PDE4D: variants seen among roughly 807,000 people sequenced by gnomAD.
PDE4D encodes phosphodiesterase 4D.
PDE4D carries 24 observed loss-of-function variants against 87.4 expected under a neutral mutation model. The observed-to-expected ratio is 0.27, with a 90% CI of 0.20 to 0.39. The LOEUF (loss-of-function observed/expected upper bound fraction) is 0.39, where lower values mean the gene tolerates loss of function less well. Ranked by LOEUF, PDE4D falls within the 10% of genes least tolerant of loss-of-function variation. The pLI is 1.00. For missense variants in PDE4D, 714 were observed against 1,041.0 expected (o/e 0.69, Z 4.32); for synonymous variants, 384 against 383.2 (o/e 1.00, Z -0.02).
intron 1 of PDE4D, among the ~76,000 whole-genome samples, chr5:59,573,536 C>T (rs1023380742): frequency 6.6e-6 from 1 of 152,126 alleles, no homozygotes; most frequent in African/African-American, 2.4e-5. Context: ...TTTCCTCATC[C>T]TGTCCTCTCT....
intron 1 of PDE4D, among the ~76,000 whole-genome samples, chr5:60,313,972 A>C (rs1755287195): frequency 6.6e-6 from 1 of 152,190 alleles, no homozygotes; most frequent in African/African-American, 2.4e-5. Flanking sequence ...ACAAACCCAC[A>C]GCCAACATCA....
chr5:60,067,185 T>C (rs1466199947), intron 2 of PDE4D, among the ~76,000 whole-genome samples: 1 of 152,116 alleles, frequency 6.6e-6, no homozygotes, highest in Non-Finnish European at 1.5e-5. Context: ...AGCAGTTCTA[T>C]ATCTTTCATT....
At chr5:59,426,612 C>T (rs1035240305) in intron 1 of PDE4D, among the ~76,000 whole-genome samples, 1 of 152,034 alleles carries the variant, frequency 6.6e-6, no homozygotes, top group Admixed American at 6.6e-5. Flanking sequence ...CCACCCTGCC[C>T]CGACAGTAAT....
At chr5:59,626,417 TA>T (rs1158117408) in intron 1 of PDE4D, among the ~76,000 whole-genome samples, 2 of 152,208 alleles carry the variant, frequency 1.3e-5, no homozygotes, top group African/African-American at 4.8e-5. Flanking sequence ...ATTGAATTCT[TA>T]AAAAATATGT....
At chr5:59,173,704 T>C (rs900468771) in intron 5 of PDE4D, among the ~76,000 whole-genome samples, 2 of 152,144 alleles carry the variant, frequency 1.3e-5, no homozygotes, top group African/African-American at 4.8e-5. Flanking sequence ...CTTTATTCTA[T>C]TAAAGGAAAA....
At chr5:59,956,413 T>C (rs1758835170) in intron 3 of PDE4D, among the ~76,000 whole-genome samples, 1 of 152,178 alleles carries the variant, frequency 6.6e-6, no homozygotes, top group Admixed American at 6.5e-5. Flanking sequence ...AGAGTGCTCA[T>C]TTTAGATTCA....
At chr5:59,595,335 G>A (rs1826512964) in intron 1 of PDE4D, among the ~76,000 whole-genome samples, 2 of 152,074 alleles carry the variant, frequency 1.3e-5, no homozygotes, top group Admixed American at 1.3e-4. Context: ...ATTTCATTTA[G>A]GAAACCATGC....
At chr5:60,345,387 G>C (rs554750090) in intron 1 of PDE4D, among the ~76,000 whole-genome samples, 1 of 151,794 alleles carries the variant, frequency 6.6e-6, no homozygotes, top group Non-Finnish European at 1.5e-5. Context: ...CATGGCACAT[G>C]TATACATATG....
chr5:60,233,937 A>G (rs1472844668), intron 1 of PDE4D, among the ~76,000 whole-genome samples: 3 of 151,792 alleles, frequency 2.0e-5, no homozygotes, highest in Admixed American at 1.3e-4. Context: ...ATGCTATCTC[A>G]ACATACATAT....
chr5:59,551,932 T>C (rs979915637), intron 1 of PDE4D, among the ~76,000 whole-genome samples: 2 of 152,172 alleles, frequency 1.3e-5, no homozygotes, highest in African/African-American at 4.8e-5. Flanking sequence ...TTAAAAAGAA[T>C]TGGCCGGGCA....
At chr5:59,444,739 G>A (rs1057414714) in intron 1 of PDE4D, among the ~76,000 whole-genome samples, 41 of 152,150 alleles carry the variant, frequency 2.7e-4, no homozygotes, top group African/African-American at 9.9e-4. Context: ...ATGAACCTGG[G>A]AGGCGGAGCT....
intron 1 of PDE4D, among the ~76,000 whole-genome samples, chr5:59,551,647 T>G (rs1818143846): frequency 6.6e-6 from 1 of 152,164 alleles, no homozygotes; most frequent in African/African-American, 2.4e-5. Context: ...TGGAATGGTG[T>G]GTTCTACATC....
chr5:58,980,337 C>G (rs1238135800), intron 11 of PDE4D, among the ~76,000 whole-genome samples: 2 of 152,132 alleles, frequency 1.3e-5, no homozygotes, highest in Non-Finnish European at 2.9e-5. Flanking sequence ...GCACTTAAAA[C>G]CAGGCAGTTT....
rs375298517 is a variant in PDE4D at position 59,506,163 on chromosome 5, C to T, written c.456-290195G>A. On this transcript the variant is annotated intron_variant, in intron 1 of 14. Transcript: ENST00000340635. ...GTTAATAATTTGAAACATTGATTTGCTAAATTAATATAAATGGTTTCACAT... is the reference window on the plus strand; with the variant it reads ...GTTAATAATTTGAAACATTGATTTGTTAAATTAATATAAATGGTTTCACAT... 6.6e-5 allele frequency among the ~76,000 whole-genome samples: 10 copies of T among 152,038 alleles called. No homozygotes were observed. In the East Asian group the frequency reaches 1.9e-3, roughly 29 times the overall value.
chr5:59,667,400 C>T lies in PDE4D; in HGVS notation c.455+225768G>A, dbSNP rs148862063. On this transcript the variant is annotated intron_variant, in intron 1 of 14. Coordinates refer to ENST00000340635, the MANE Select transcript of PDE4D (RefSeq NM_001104631.2). ...GATCATGGCTCACTGCAGCCTTGAC[C>T]TCCTGGGCTCAATTGATCCTCCCAC... Among the ~76,000 whole-genome samples, 228 of 152,208 alleles carry T rather than the reference C, an allele frequency of 1.5e-3. 6 individuals are homozygous for T. In the East Asian group the frequency reaches 0.037, roughly 25 times the overall value.
At chr5:59,535,987 A>G (rs965490506) in intron 1 of PDE4D, among the ~76,000 whole-genome samples, 1 of 152,174 alleles carries the variant, frequency 6.6e-6, no homozygotes, top group Admixed American at 6.5e-5. Context: ...GTAACATTAC[A>G]TTGTTTGGGA....
In PDE4D at chr5:60,231,806, C is replaced by T. The variant is rs375635023; in HGVS notation, c.-89-46119G>A. Among the ~76,000 whole-genome samples, 193 of 152,032 alleles carry T rather than the reference C, an allele frequency of 1.3e-3. 2 individuals are homozygous for T. In the Middle Eastern group the frequency reaches 0.014, roughly 11 times the overall value. ...CTCCTAAGATGTTGTCACCTCTGTC[C>T]TTGACACTATTAGGGCTGGTATAAA... On this transcript the variant is annotated intron_variant, in intron 1 of 16. Coordinates refer to the PDE4D transcript ENST00000502484.
intron 1 of PDE4D, chr5:60,459,929 C>T: frequency 1.4e-6 from 1 of 712,366 alleles, no homozygotes; most frequent in Non-Finnish European, 2.6e-6. Flanking sequence ...TTGTCTTCTT[C>T]ATTAGTATCT....
chr5:59,664,879 AGATAC>A (rs1745812828), intron 1 of PDE4D, among the ~76,000 whole-genome samples: 1 of 152,210 alleles, frequency 6.6e-6, no homozygotes, highest in African/African-American at 2.4e-5. Flanking sequence ...CATTATCTTT[AGATAC>A]TTCCAGTTTT....
Sources: gnomAD v4.1 joint callset for allele counts (sites outside exome capture counted in the v4.1 genomes callset) on GRCh38, gnomAD v4.1.1 for gene constraint, MANE v1.5 for transcripts, NCBI Gene and HGNC (gene_info 2026-07-23, HGNC 2026-07-21) for gene names.